Variants in ATRX observed in about 807,000 individuals in gnomAD.
The protein encoded by ATRX is chromatin remodeler ATRX.
ATRX carries 12 observed loss-of-function variants against 172.6 expected under a neutral mutation model. The ratio of observed to expected loss-of-function variants is 0.07; its 90% CI spans 0.04 to 0.11. The LOEUF is 0.11. Among genes scored for constraint, ATRX ranks in the 10% least tolerant of loss-of-function variants. The pLI is 1.00. For missense variants in ATRX, 1,368 were observed against 1,767.4 expected (o/e 0.77, Z 4.05); for synonymous variants, 674 against 594.7 (o/e 1.13, Z -1.94).
At chrX:77,766,424 C>A (rs1333925161) in intron 1 of ATRX, among the ~76,000 whole-genome samples, 1 of 108,922 alleles carries the variant, frequency 9.2e-6, no homozygotes, top group Admixed American at 9.6e-5. Flanking sequence ...ACTTCTCAGA[C>A]GGGGCGGCTG....
intron 27 of ATRX, chrX:77,575,476 G>A (rs2065581739): frequency 9.0e-6 from 1 of 110,783 alleles, no homozygotes; most frequent in African/African-American, 3.3e-5. Context: ...CACTTGAACA[G>A]GATAATTATT....
rs782799494 is a variant in ATRX at position 77,619,741 on chromosome X, T to G, written c.5272+654A>C. On this transcript the variant is annotated intron_variant, in intron 20 of 34. Transcript: ENST00000373344. The stretch of plus-strand genomic sequence containing the variant: ...TAGCAAAAAGTTACCATAAATACAC[T>G]AAAGGAATGTAACACAGAGAAAAAT... Among the ~76,000 whole-genome samples the G allele has an allele frequency of 4.5e-5, 5 of 110,831 alleles. No individual in the cohort carries two copies. In the South Asian group the frequency reaches 1.5e-3, roughly 33 times the overall value.
At chrX:77,696,455 C>T (rs2072190460) in intron 5 of ATRX, 122 bp downstream of exon 5, 1 of 750,317 alleles carries the variant, frequency 1.3e-6, no homozygotes, top group Non-Finnish European at 2.0e-6. Flanking sequence ...TAGACAACCA[C>T]TAGGAAAATG....
At chrX:77,622,627 G>A (rs1557100679) in intron 19 of ATRX, among the ~76,000 whole-genome samples, 1 of 111,437 alleles carries the variant, frequency 9.0e-6, no homozygotes, top group Non-Finnish European at 1.9e-5. Flanking sequence ...AAGCCTCCTG[G>A]CCAGAACTCC....
Position 77,589,942 on chromosome X carries a change from T to TA in ATRX, c.6111-3dup, listed in dbSNP as rs1557079294. 1 of 1,188,497 alleles carries TA rather than the reference T, an allele frequency of 8.4e-7. No individual in the cohort carries two copies. The highest frequency in any genetic ancestry group is 2.2e-5 in the Admixed American group (1 of 45,893). ...ATGAGGGACTGGCTGAAAACAAGGC[T>TA]AAAAAAACAGATTAGTGTTTATGGA... On this transcript the variant is annotated splice_region_variant and splice_polypyrimidine_tract_variant and intron_variant, in intron 26 of 34. Transcript: ENST00000373344.
intron 30 of ATRX, among the ~76,000 whole-genome samples, chrX:77,543,170 G>A (rs148212978): frequency 1.1e-3 from 125 of 112,065 alleles, no homozygotes; most frequent in African/African-American, 3.8e-3. Context: ...ACACTTCTCA[G>A]AAGAAGACAT....
chrX:77,785,985 A>G lies in ATRX; in HGVS notation c.17T>C (p.Met6Thr), dbSNP rs781837406. Residue 6 changes from methionine (M) to threonine (T), a missense_variant, in exon 1 of 35, where the codon ATG becomes ACG. Met to Thr is a moderately conservative substitution (Grantham distance 81). Around this residue, in one of 17 missense-constraint regions of ATRX, gnomAD observed 84 missense variants for 82.8 expected, o/e 1.01. Coordinates refer to ENST00000373344, the MANE Select transcript of ATRX (RefSeq NM_000489.6). MTAEP[M>T]SESKLNTLVQ... ...ATGAGACGGGGTTGCGTTTTACCTC[A>G]TGGGCTCAGCGGTCATGTTTTCGCT... The G allele has an allele frequency of 8.4e-7, 1 of 1,189,930 alleles. No homozygotes were observed. Among genetic ancestry groups the G allele is most frequent in the Non-Finnish European group, 1.1e-6 (1 of 885,698 alleles).
chrX:77,599,560 T>C lies in ATRX; in HGVS notation c.5807A>G (p.Lys1936Arg), dbSNP rs1557085898. 4 of 1,208,690 alleles carry C rather than the reference T, an allele frequency of 3.3e-6. No homozygotes were observed. Among genetic ancestry groups the C allele is most frequent in the Admixed American group, 2.2e-5 (1 of 45,690 alleles). ...ACTTGAGCTACTATCTTTTTTCCCCTTTTTCCCTTTTTTCTTCTTTCTAAA... is the reference window on the plus strand; with the variant it reads ...ACTTGAGCTACTATCTTTTTTCCCCCTTTTCCCTTTTTTCTTCTTTCTAAA... The part of the protein sequence containing the change: ...DYTKKKKKGK[K>R]GKKDSSSSGS... The change falls in exon 25 of 35, where the codon AAG (lysine) becomes AGG (arginine). Residue 1936 changes from lysine (K) to arginine (R), a missense_variant. Transcript: ENST00000373344.
At chrX:77,641,310 G>A (rs1209671896) in intron 15 of ATRX, among the ~76,000 whole-genome samples, 1 of 111,173 alleles carries the variant, frequency 9.0e-6, no homozygotes, top group African/African-American at 3.3e-5. Context: ...GGGTGTGGTG[G>A]CTCACACCTG....
intron 22 of ATRX, among the ~76,000 whole-genome samples, chrX:77,604,532 A>G (rs190723235): frequency 6.3e-4 from 71 of 112,446 alleles, no homozygotes; most frequent in Non-Finnish European, 9.8e-4. Flanking sequence ...ATATGTTTAC[A>G]CTATTGGTGG....
In ATRX at chrX:77,690,189, C is replaced by T. The variant is rs1174121155; in HGVS notation, c.485-1262G>A. Among the ~76,000 whole-genome samples, 2 of 111,500 alleles carry T rather than the reference C, an allele frequency of 1.8e-5. 1 individual carries two copies. The highest frequency in any genetic ancestry group is 3.8e-5 in the Non-Finnish European group (2 of 53,099). ...CTCCCAGGCTCAAGCAATCCTCCTA[C>T]CTCAGCCTCCTGAGTAGCTGGGACT... On this transcript the variant is annotated intron_variant, in intron 6 of 34. Coordinates refer to ENST00000373344, the MANE Select transcript of ATRX (RefSeq NM_000489.6).
chrX:77,609,700 CT>C (rs1170071269), intron 22 of ATRX, among the ~76,000 whole-genome samples: 2 of 111,627 alleles, frequency 1.8e-5, no homozygotes, highest in African/African-American at 6.5e-5. Flanking sequence ...TGGTCTTGAA[CT>C]CCTGCCCTTA....
intron 1 of ATRX, among the ~76,000 whole-genome samples, chrX:77,754,035 A>C (rs1479922868): frequency 8.9e-6 from 1 of 112,075 alleles, no homozygotes; most frequent in Non-Finnish European, 1.9e-5. Context: ...TATTGGAAGC[A>C]TATACATTTA....
intron 30 of ATRX, among the ~76,000 whole-genome samples, chrX:77,528,224 C>G (rs1342643275): frequency 2.7e-5 from 3 of 111,386 alleles, no homozygotes; most frequent in Admixed American, 9.4e-5. Context: ...CCGACCCACT[C>G]CTGCAGACAG....
At chrX:77,766,261 G>A (rs1320147116) in intron 1 of ATRX, among the ~76,000 whole-genome samples, 1 of 112,295 alleles carries the variant, frequency 8.9e-6, no homozygotes, top group Non-Finnish European at 1.9e-5. Flanking sequence ...TCCCAGCAGG[G>A]GCGGCCGGGC....
Position 77,786,100 on chromosome X carries a change from G to T in ATRX, c.-99C>A. 1.0e-6 allele frequency: 1 copy of T among 1,002,030 alleles called. No individual in the cohort carries two copies. Among genetic ancestry groups the T allele is most frequent in the Non-Finnish European group, 1.4e-6 (1 of 731,568 alleles). The allele number at this position is 1,002,030 out of a possible 1,213,427, so 82.6% of individuals were successfully genotyped here. A position where few individuals can be genotyped will look rare whatever the true frequency, so the allele number is the denominator to read the frequency against. Reference sequence around the variant, plus strand: ...ATAGAAATGCACTGGAGTCTTAGTCGTCACTGTAGCTGCTGCTGGAACCTC... The same window carrying T: ...ATAGAAATGCACTGGAGTCTTAGTCTTCACTGTAGCTGCTGCTGGAACCTC... On this transcript the variant is annotated 5_prime_UTR_variant, in exon 1 of 35. Coordinates refer to ENST00000373344, the MANE Select transcript of ATRX (RefSeq NM_000489.6).
chrX:77,540,357 C>A (rs782399249), intron 30 of ATRX, among the ~76,000 whole-genome samples: 1 of 111,228 alleles, frequency 9.0e-6, no homozygotes, highest in African/African-American at 3.3e-5. Context: ...GACTCCCACA[C>A]AATAATAGTG....
intron 1 of ATRX, among the ~76,000 whole-genome samples, chrX:77,725,458 C>T (rs1406237435): frequency 3.1e-4 from 35 of 111,895 alleles, no homozygotes; most frequent in African/African-American, 1.0e-3. Flanking sequence ...TTACACCTTA[C>T]ACAAAAATTA....
chrX:77,747,764 C>G (rs1223238327), intron 1 of ATRX, among the ~76,000 whole-genome samples: 1 of 111,094 alleles, frequency 9.0e-6, no homozygotes, highest in African/African-American at 3.3e-5. Context: ...CTGTGAATTT[C>G]CTAATGTTTT....
Sources: allele counts gnomAD v4.1 joint callset (sites outside exome capture counted in the v4.1 genomes callset), GRCh38; gene constraint gnomAD v4.1.1; regional missense constraint gnomAD v4.1.1; transcripts MANE v1.5; gene names NCBI Gene and HGNC (gene_info 2026-07-23, HGNC 2026-07-21).